The following PTPRG variants were observed in gnomAD, a reference collection of about 807,000 sequenced individuals.
PTPRG encodes protein tyrosine phosphatase receptor type G.
In PTPRG, 102 loss-of-function variants were observed where a neutral mutation model predicts 165.3. The observed-to-expected ratio is 0.62, with a 90% confidence interval of 0.53 to 0.73. The LOEUF is 0.73. Among genes scored for constraint, PTPRG ranks in the 30% least tolerant of loss-of-function variants. The pLI is 0.00. For missense variants in PTPRG, 1,866 were observed against 1,861.4 expected (o/e 1.00, Z -0.05); for synonymous variants, 675 against 669.5 (o/e 1.01, Z -0.13).
At chr3:62,288,359 A>G (rs767117599) in intron 28 of PTPRG, among the ~76,000 whole-genome samples, 3 of 152,104 alleles carry the variant, frequency 2.0e-5, no homozygotes, top group Non-Finnish European at 4.4e-5. Flanking sequence ...AACCTACCGT[A>G]TATCTGTAGC....
intron 3 of PTPRG, among the ~76,000 whole-genome samples, chr3:61,998,785 G>T (rs989394046): frequency 2.0e-5 from 3 of 152,168 alleles, no homozygotes; most frequent in African/African-American, 7.2e-5. Context: ...ATCACAGCAA[G>T]GATAGTTCTA....
chr3:61,709,340 G>T (rs2031433411), intron 1 of PTPRG, among the ~76,000 whole-genome samples: 1 of 151,640 alleles, frequency 6.6e-6, no homozygotes, highest in Non-Finnish European at 1.5e-5. Flanking sequence ...TTTGAAATGG[G>T]GTCTCGCTCT....
intron 6 of PTPRG, among the ~76,000 whole-genome samples, chr3:62,151,121 T>C (rs572973718): frequency 3.2e-4 from 48 of 152,338 alleles, no homozygotes; most frequent in Non-Finnish European, 6.2e-4. Context: ...TAATTAAAAA[T>C]TGCCTCCTTG....
chr3:61,636,093 T>C (rs1575554191), intron 1 of PTPRG, among the ~76,000 whole-genome samples: 1 of 152,192 alleles, frequency 6.6e-6, no homozygotes, highest in South Asian at 2.1e-4. Flanking sequence ...AAGGTCAGTT[T>C]AGCTTTCCTA....
intron 15 of PTPRG, among the ~76,000 whole-genome samples, chr3:62,246,600 A>G (rs1201285087): frequency 1.3e-5 from 2 of 152,180 alleles, no homozygotes; most frequent in African/African-American, 4.8e-5. Context: ...ACACAATTCA[A>G]TTTTTAACAA....
At chr3:62,005,022 T>G (rs1315541053) in intron 4 of PTPRG, among the ~76,000 whole-genome samples, 1 of 152,218 alleles carries the variant, frequency 6.6e-6, no homozygotes, top group East Asian at 1.9e-4. Context: ...CTACACAATA[T>G]GAAAGTAATG....
intron 1 of PTPRG, among the ~76,000 whole-genome samples, chr3:61,594,127 T>TA (rs1202299154): frequency 1.1e-4 from 16 of 152,178 alleles, no homozygotes; most frequent in Admixed American, 3.3e-4. Flanking sequence ...CAGAATAGCC[T>TA]ACCTGTTCCT....
intron 1 of PTPRG, among the ~76,000 whole-genome samples, chr3:61,732,617 G>C (rs962299303): frequency 6.6e-6 from 1 of 150,986 alleles, no homozygotes. Context: ...GCTGAGGCAG[G>C]AGAATGGCAT....
intron 2 of PTPRG, among the ~76,000 whole-genome samples, chr3:61,979,790 A>G (rs1349108310): frequency 6.6e-6 from 1 of 152,160 alleles, no homozygotes; most frequent in Non-Finnish European, 1.5e-5. Context: ...TTTGGAGCAA[A>G]CGTTCCTCCT....
Position 62,281,551 on chromosome 3 carries a change from T to TTG in PTPRG, c.3766-12_3766-11insTG. 8.9e-6 allele frequency: 13 copies of TTG among 1,466,116 alleles called. No individual in the cohort carries two copies. In the South Asian group the frequency reaches 1.8e-4, roughly 20 times the overall value. 90.8% of individuals were successfully genotyped at this position (1,466,116 alleles called of 1,614,324 possible). ...GAACTGCAGAGGCTTTTTTTTTTTTTGGATTCCAAAGGCAGAAGATGAGTT... is the reference window on the plus strand; with the variant it reads ...GAACTGCAGAGGCTTTTTTTTTTTTTTGGGATTCCAAAGGCAGAAGATGAGTT... On this transcript the variant is annotated splice_polypyrimidine_tract_variant and intron_variant, in intron 26 of 29. Transcript: ENST00000474889.
intron 13 of PTPRG, among the ~76,000 whole-genome samples, chr3:62,223,294 G>A (rs1306905641): frequency 6.6e-6 from 1 of 152,300 alleles, no homozygotes; most frequent in East Asian, 1.9e-4. Context: ...ACATAGCCTG[G>A]ATTTGGAGCC....
At chr3:61,691,923 AAG>A (rs1282112878) in intron 1 of PTPRG, among the ~76,000 whole-genome samples, 8 of 152,334 alleles carry the variant, frequency 5.3e-5, no homozygotes, top group African/African-American at 7.2e-5. Flanking sequence ...GGAGGATAAA[AAG>A]GGGATGTTTA....
chr3:61,925,468 G>C (rs1324259610), intron 2 of PTPRG, among the ~76,000 whole-genome samples: 1 of 152,234 alleles, frequency 6.6e-6, no homozygotes, highest in South Asian at 2.1e-4. Context: ...TCAGGGCTGG[G>C]TGCAGTGGCT....
chr3:62,232,705 G>A (rs1700933562), intron 14 of PTPRG, among the ~76,000 whole-genome samples: 1 of 152,174 alleles, frequency 6.6e-6, no homozygotes, highest in African/African-American at 2.4e-5. Flanking sequence ...ATATATTTTA[G>A]ATCCTAACAG....
chr3:61,879,014 G>A (rs965611161), intron 2 of PTPRG, among the ~76,000 whole-genome samples: 38 of 152,048 alleles, frequency 2.5e-4, no homozygotes, highest in African/African-American at 8.9e-4. Flanking sequence ...AAATCTAATC[G>A]AGTATAAAAA....
chr3:62,156,291 A>C (rs1220268261), intron 6 of PTPRG, among the ~76,000 whole-genome samples: 2 of 152,162 alleles, frequency 1.3e-5, no homozygotes, highest in African/African-American at 2.4e-5. Flanking sequence ...ACCTGGATTC[A>C]CATCCTGGCT....
At chr3:61,610,516 C>T (rs1471463381) in intron 1 of PTPRG, among the ~76,000 whole-genome samples, 1 of 152,156 alleles carries the variant, frequency 6.6e-6, no homozygotes, top group Non-Finnish European at 1.5e-5. Context: ...GTCTTCGTAG[C>T]AGATGGATAA....
At chr3:62,215,133 G>A (rs1047764599) in intron 12 of PTPRG, among the ~76,000 whole-genome samples, 4 of 152,190 alleles carry the variant, frequency 2.6e-5, no homozygotes, top group Admixed American at 2.0e-4. Flanking sequence ...GGAAGGCTCT[G>A]CTCCTGAAGA....
At chr3:61,562,409 G>C (rs1434312168) in intron 1 of PTPRG, 37 bp downstream of exon 1, 2 of 1,598,654 alleles carry the variant, frequency 1.3e-6, no homozygotes, top group Non-Finnish European at 1.7e-6. Context: ...GGCCCCGGCC[G>C]GCGCGCGTTG....
Sources: gnomAD v4.1 joint callset for allele counts (sites outside exome capture counted in the v4.1 genomes callset) on GRCh38, gnomAD v4.1.1 for gene constraint, MANE v1.5 for transcripts, NCBI Gene and HGNC (gene_info 2026-07-23, HGNC 2026-07-21) for gene names.